TMED2: variants seen among roughly 807,000 people sequenced by gnomAD.
TMED2 encodes the protein transmembrane p24 trafficking protein 2, also known as transmembrane emp24 domain-containing protein 2.
TMED2 carries 3 observed loss-of-function variants against 17.5 expected under a neutral mutation model. That is an observed-to-expected ratio of 0.17 (90% CI 0.08 to 0.44). TMED2 has a LOEUF of 0.44. Ranked by LOEUF, TMED2 falls within the 20% of genes least tolerant of loss-of-function variation. TMED2 has a pLI of 0.99. For missense variants in TMED2, 149 were observed against 254.8 expected (o/e 0.58, Z 2.83); for synonymous variants, 95 against 91.0 (o/e 1.04, Z -0.25).
At chr12:123,585,027 C>A in intron 1 of TMED2, 1 of 589,220 alleles carries the variant, frequency 1.7e-6, no homozygotes, top group Non-Finnish European at 2.9e-6. Context: ...GTTCCGGGAT[C>A]CCTTGGGGGC....
rs71088937 is a variant in TMED2, at chr12:123,584,564, G to GGGCGGCGGCGGC, written c.-57_-46dup. On this transcript the variant is annotated 5_prime_UTR_variant, in exon 1 of 4. Transcript: ENST00000262225. Reference sequence around the variant, plus strand: ...GGCGGCGGTGGCTGAGAAGGCAGCGGGGCGGCGGCGGCGGCGGCGGCGGCG... The same window carrying GGGCGGCGGCGGC: ...GGCGGCGGTGGCTGAGAAGGCAGCGGGGCGGCGGCGGCGGCGGCGGCGGCGGCGGCGGCGGCG... 15 of 1,399,846 alleles carry GGGCGGCGGCGGC rather than the reference G, an allele frequency of 1.1e-5. No individual in the cohort carries two copies. The East Asian group carries it at 2.1e-4, about 19-fold the overall frequency. 86.7% of individuals were successfully genotyped at this position (1,399,846 alleles called of 1,614,324 possible).
At position 123,597,880 on chromosome 12, in the gene TMED2, A is replaced by G. The variant is rs569686769; in HGVS notation, c.*1151A>G. 6.8e-5 allele frequency: 10 copies of G among 148,132 alleles called. No individual in the cohort carries two copies. Among genetic ancestry groups the G allele is most frequent in the Non-Finnish European group, 4.4e-5 (3 of 67,430 alleles). The allele number at this position is 148,132 out of a possible 1,614,324, so 9.2% of individuals were successfully genotyped here. On this transcript the variant is annotated 3_prime_UTR_variant, in exon 4 of 4. Coordinates refer to ENST00000262225, the MANE Select transcript of TMED2 (RefSeq NM_006815.4). ...TTTTTTTTTGGATCTTTGCAAGGGC[A>G]AAACTACAAGTAACGAGTTTTATAT...
chr12:123,584,585 C>CGGCTGTGGA lies in TMED2; in HGVS notation c.-49_-48insTGTGGAGGC. The CGGCTGTGGA allele has an allele frequency of 1.9e-6, 3 of 1,569,490 alleles. No individual in the cohort carries two copies. Among genetic ancestry groups the CGGCTGTGGA allele is most frequent in the Admixed American group, 3.7e-5 (2 of 54,718 alleles). On this transcript the variant is annotated 5_prime_UTR_variant, in exon 1 of 4. Coordinates refer to ENST00000262225, the MANE Select transcript of TMED2 (RefSeq NM_006815.4). ...AGCGGGGCGGCGGCGGCGGCGGCGG[C>CGGCTGTGGA]GGCGGCTGTGGAGGCCGCAGTCCGG...
chr12:123,593,757 C>G (rs1953410166), intron 3 of TMED2, among the ~76,000 whole-genome samples: 5 of 152,172 alleles, frequency 3.3e-5, no homozygotes. Flanking sequence ...CTTGGCCTCC[C>G]AAAGTGCTGG....
At chr12:123,585,451 CAGG>C (rs1886325190) in intron 1 of TMED2, 1 of 152,184 alleles carries the variant, frequency 6.6e-6, no homozygotes, top group South Asian at 2.1e-4. Context: ...AGTGAAGTAT[CAGG>C]AGAAGACAGG....
At chr12:123,595,953 C>T (rs1953427802) in intron 3 of TMED2, among the ~76,000 whole-genome samples, 1 of 152,190 alleles carries the variant, frequency 6.6e-6, no homozygotes, top group Non-Finnish European at 1.5e-5. Flanking sequence ...TGCTTGAGTA[C>T]AGTTCAAGGT....
chr12:123,598,290 GAATGGTACCAAGTTTT>G lies in TMED2; in HGVS notation c.*1563_*1578del, dbSNP rs1334585473. On this transcript the variant is annotated 3_prime_UTR_variant, in exon 4 of 4. Coordinates refer to ENST00000262225, the MANE Select transcript of TMED2 (RefSeq NM_006815.4). ...TTAATTCTATAAACTTGAGGATAGT[GAATGGTACCAAGTTTT>G]AGTTTCTGCGTAGGTTTTCCAGTGT... 5.3e-5 allele frequency: 8 copies of G among 152,106 alleles called. No individual in the cohort carries two copies. The highest frequency in any genetic ancestry group is 3.9e-4 in the Admixed American group (6 of 15,264). 9.4% of individuals were successfully genotyped at this position (152,106 alleles called of 1,614,324 possible).
rs1245798522 is a variant in TMED2 at position 123,584,562 on chromosome 12, C to T, written c.-75C>T. On this transcript the variant is annotated 5_prime_UTR_variant, in exon 1 of 4. Coordinates refer to ENST00000262225, the MANE Select transcript of TMED2 (RefSeq NM_006815.4). ...TAGGCGGCGGTGGCTGAGAAGGCAG[C>T]GGGGCGGCGGCGGCGGCGGCGGCGG... 1.6e-5 allele frequency: 23 copies of T among 1,423,762 alleles called. No homozygotes were observed. The highest frequency in any genetic ancestry group is 1.8e-5 in the Non-Finnish European group (20 of 1,084,528). The allele number at this position is 1,423,762 out of a possible 1,614,324, so 88.2% of individuals were successfully genotyped here.
chr12:123,596,663 A>G lies in TMED2; in HGVS notation c.540A>G (p.Leu180=), dbSNP rs1259351477. Residue 180 remains leucine (L), a synonymous_variant, in exon 4 of 4, where the codon CTA becomes CTG. Transcript: ENST00000262225. ...GGTCCTTCTTTGAAGCTCTTGTTCT[A>G]GTTGCCATGACATTGGGACAGATCT... ...VLWSFFEALV[L]VAMTLGQIYY... is the part of the protein sequence containing the mutation. 6.2e-7 allele frequency: 1 copy of G among 1,611,828 alleles called. No homozygotes were observed. The highest frequency in any genetic ancestry group is 1.1e-5 in the South Asian group (1 of 90,576).
intron 3 of TMED2, among the ~76,000 whole-genome samples, chr12:123,595,140 A>G (rs1953421664): frequency 6.6e-6 from 1 of 151,850 alleles, no homozygotes; most frequent in South Asian, 2.1e-4. Flanking sequence ...GAGACAGGAG[A>G]ATCACTTGAA....
intron 3 of TMED2, among the ~76,000 whole-genome samples, chr12:123,594,165 C>T (rs1204203209): frequency 1.6e-4 from 24 of 146,862 alleles, no homozygotes; most frequent in African/African-American, 5.5e-4. Context: ...GATGGAGTCT[C>T]GCTCTGTTGC....
At chr12:123,593,917 T>C (rs1053856652) in intron 3 of TMED2, among the ~76,000 whole-genome samples, 16 of 150,440 alleles carry the variant, frequency 1.1e-4, no homozygotes, top group Non-Finnish European at 2.4e-4. Flanking sequence ...CGCCTCAACC[T>C]CCCAAGTAGC....
Position 123,596,682 on chromosome 12 carries a change from C to T in TMED2, c.559C>T (p.Gln187Ter). The change falls in exon 4 of 4, where the codon CAG becomes TAG. Residue 187 changes from glutamine to a stop codon, truncating the protein, a stop_gained. Coordinates refer to ENST00000262225, the MANE Select transcript of TMED2 (RefSeq NM_006815.4). LOFTEE classifies it high-confidence loss of function. Reference sequence around the variant, plus strand: ...TGTTCTAGTTGCCATGACATTGGGACAGATCTACTACCTGAAGAGATTTTT... The same window carrying T: ...TGTTCTAGTTGCCATGACATTGGGATAGATCTACTACCTGAAGAGATTTTT... ...ALVLVAMTLGQIYYLKRFFEV... is the reference protein window; with the variant it reads ...ALVLVAMTLG 1 of 1,611,692 alleles carries T rather than the reference C, an allele frequency of 6.2e-7. No homozygotes were observed. The highest frequency in any genetic ancestry group is 8.5e-7 in the Non-Finnish European group (1 of 1,179,112).
Position 123,596,763 on chromosome 12 carries a change from C to T in TMED2, c.*34C>T, listed in dbSNP as rs971718594. The T allele has an allele frequency of 6.4e-7, 1 of 1,567,618 alleles. No individual in the cohort carries two copies. Among genetic ancestry groups the T allele is most frequent in the Non-Finnish European group, 8.6e-7 (1 of 1,159,848 alleles). Reference sequence around the variant, plus strand: ...TTCCTGATGATCCCAACTCAGAATTCACTGTTTACCAAACACCTTGGTCAT... The same window carrying T: ...TTCCTGATGATCCCAACTCAGAATTTACTGTTTACCAAACACCTTGGTCAT... On this transcript the variant is annotated 3_prime_UTR_variant, in exon 4 of 4. Transcript: ENST00000262225.
chr12:123,594,769 C>T (rs980647873), intron 3 of TMED2, among the ~76,000 whole-genome samples: 2 of 151,814 alleles, frequency 1.3e-5, no homozygotes, highest in Admixed American at 6.6e-5. Flanking sequence ...TGTCTGTAAG[C>T]TCAGCTACTT....
At chr12:123,591,802 C>T (rs1953394687) in intron 3 of TMED2, among the ~76,000 whole-genome samples, 1 of 151,574 alleles carries the variant, frequency 6.6e-6, no homozygotes, top group African/African-American at 2.4e-5. Flanking sequence ...GGAAAAAGAG[C>T]AAGGTATAGT....
chr12:123,584,835 C>T lies in TMED2; in HGVS notation c.180+19C>T. The stretch of plus-strand genomic sequence containing the variant: ...CGTGGAGGTGCGGGCTAGCTGCCCG[C>T]AGCTGAGGCTTGGTCGCGTGGCCAC... On this transcript the variant is annotated intron_variant, in intron 1 of 3. Coordinates refer to ENST00000262225, the MANE Select transcript of TMED2 (RefSeq NM_006815.4). 9 of 1,604,874 alleles carry T rather than the reference C, an allele frequency of 5.6e-6. No individual in the cohort carries two copies. Among genetic ancestry groups the T allele is most frequent in the Non-Finnish European group, 7.6e-6 (9 of 1,179,518 alleles).
intron 2 of TMED2, among the ~76,000 whole-genome samples, chr12:123,587,175 C>A (rs1953356418): frequency 6.6e-6 from 1 of 151,884 alleles, no homozygotes. Flanking sequence ...AAGATTGTGT[C>A]TCGCTCTTTC....
At chr12:123,593,688 C>T (rs999608108) in intron 3 of TMED2, among the ~76,000 whole-genome samples, 3 of 152,148 alleles carry the variant, frequency 2.0e-5, no homozygotes, top group African/African-American at 4.8e-5. Flanking sequence ...TTTTAGTAGA[C>T]GGGGTTTCAC....
Sources: allele counts gnomAD v4.1 joint callset (sites outside exome capture counted in the v4.1 genomes callset), GRCh38; gene constraint gnomAD v4.1.1; transcripts MANE v1.5; gene names NCBI Gene and HGNC (gene_info 2026-07-23, HGNC 2026-07-21).